Variants in FAM149A observed in about 807,000 individuals in gnomAD.
FAM149A encodes the protein family with sequence similarity 149 member A, also known as protein FAM149A.
Under a neutral mutation model 78.2 loss-of-function variants are expected in FAM149A, and 71 were observed. That is an observed-to-expected ratio of 0.91 (90% CI 0.75 to 1.11). FAM149A has a LOEUF of 1.11. FAM149A is among the 50% of genes least tolerant of loss of function. FAM149A has a pLI of 0.00. For synonymous variants in FAM149A, 446 were observed against 410.5 expected, an observed-to-expected ratio of 1.09 and a Z score of -1.04; for missense variants, 1,036 against 971.0, an observed-to-expected ratio of 1.07 and a Z score of -0.89.
chr4:186,154,360 G>C (rs1197902735), intron 5 of FAM149A, 108 bp from the exon 6 acceptor site: 1 of 882,090 alleles, frequency 1.1e-6, no homozygotes, highest in Non-Finnish European at 1.6e-6. Flanking sequence ...TTTTGGGAGG[G>C]GGGGATTCTG....
At chr4:186,145,055 C>G in intron 1 of FAM149A, 1 of 983,720 alleles carries the variant, frequency 1.0e-6, no homozygotes, top group Non-Finnish European at 1.2e-6. Flanking sequence ...GTGCCCGAGC[C>G]TAGCGCGGAG....
intron 1 of FAM149A, chr4:186,146,691 G>T (rs1010315247): frequency 5.1e-6 from 4 of 780,132 alleles, no homozygotes; most frequent in Non-Finnish European, 3.1e-6. Flanking sequence ...TCCGTTTGGC[G>T]GTGAAAACCA....
In FAM149A at chr4:186,136,936, A is replaced by ATCTCTCTCTCTCTCTCTCTCTT. The variant is rs2099323016; in HGVS notation, c.567-12216_567-12215insTTCTCTCTCTCTCTCTCTCTCT. 5.9e-4 allele frequency among the ~76,000 whole-genome samples: 52 copies of ATCTCTCTCTCTCTCTCTCTCTT among 88,150 alleles called. 1 individual carries two copies. Among genetic ancestry groups the ATCTCTCTCTCTCTCTCTCTCTT allele is most frequent in the Non-Finnish European group, 3.8e-4 (17 of 44,354 alleles). The allele number at this position is 88,150 out of a possible 152,430, so 57.8% of individuals were successfully genotyped here. ...TTGTGAAGCTCAAATACACTGATTG[A>ATCTCTCTCTCTCTCTCTCTCTT]TCTCTCTCTCTCTCTCTCTCTCTCT... On this transcript the variant is annotated intron_variant, in intron 1 of 13. Transcript: ENST00000389354.
chr4:186,149,481 G>A, intron 2 of FAM149A, 85 bp from the exon 3 acceptor site: 2 of 1,215,672 alleles, frequency 1.6e-6, no homozygotes, highest in Non-Finnish European at 2.1e-6. Context: ...AAAGAAAGAG[G>A]AAGCAGGCTC....
At chr4:186,125,096 C>T (rs1350031483) in intron 1 of FAM149A, 6 of 195,998 alleles carry the variant, frequency 3.1e-5, no homozygotes, top group Non-Finnish European at 5.6e-5. Context: ...CCTTTGCCCA[C>T]TTGTTGATGG....
chr4:186,122,560 T>C (rs1219670470), intron 1 of FAM149A, among the ~76,000 whole-genome samples: 1 of 152,192 alleles, frequency 6.6e-6, no homozygotes. Flanking sequence ...CGGAATAAAA[T>C]ATGTTTCTGG....
chr4:186,107,361 A>T (rs1291067577), intron 1 of FAM149A: 2 of 152,348 alleles, frequency 1.3e-5, no homozygotes, highest in East Asian at 3.9e-4. Flanking sequence ...TACATAAGAG[A>T]TTATTCTGAA....
At chr4:186,124,199 T>G (rs2099317270) in intron 1 of FAM149A, 1 of 985,002 alleles carries the variant, frequency 1.0e-6, no homozygotes, top group Non-Finnish European at 1.2e-6. Flanking sequence ...TCCTCCAGAG[T>G]GGAGGCAGAG....
At chr4:186,169,732 A>AC in intron 13 of FAM149A, 1 of 985,120 alleles carries the variant, frequency 1.0e-6, no homozygotes, top group Non-Finnish European at 1.2e-6. Flanking sequence ...GACTGCAGTG[A>AC]CCCCCACTGG....
chr4:186,165,589 C>T, intron 11 of FAM149A, 125 bp downstream of exon 11: 1 of 882,938 alleles, frequency 1.1e-6, no homozygotes. Context: ...TATTCAAATG[C>T]CTTCATAATC....
At chr4:186,147,939 T>A (rs1733185481) in intron 1 of FAM149A, among the ~76,000 whole-genome samples, 1 of 152,162 alleles carries the variant, frequency 6.6e-6, no homozygotes, top group African/African-American at 2.4e-5. Flanking sequence ...ATAAAAACAA[T>A]CATATAATTC....
intron 1 of FAM149A, among the ~76,000 whole-genome samples, chr4:186,120,778 A>C (rs1429808582): frequency 1.5e-5 from 2 of 134,256 alleles, no homozygotes; most frequent in Non-Finnish European, 3.2e-5. Flanking sequence ...TGGGCGACAG[A>C]GCAAGACTCC....
chr4:186,149,425 A>G, intron 2 of FAM149A, 141 bp from the exon 3 acceptor site: 1 of 1,107,292 alleles, frequency 9.0e-7, no homozygotes, highest in South Asian at 1.6e-5. Context: ...CACTGTAAAA[A>G]TATTTCAAAA....
chr4:186,126,873 G>T, intron 1 of FAM149A: 1 of 984,926 alleles, frequency 1.0e-6, no homozygotes, highest in Non-Finnish European at 1.2e-6. Flanking sequence ...CCCCAATACA[G>T]GGGGAGGAAG....
chr4:186,143,373 A>T (rs1003597369), intron 1 of FAM149A, among the ~76,000 whole-genome samples: 7 of 147,306 alleles, frequency 4.8e-5, no homozygotes, highest in African/African-American at 1.8e-4. Flanking sequence ...TGGGCTTAAG[A>T]TACCATAGTT....
At chr4:186,146,430 G>A in intron 1 of FAM149A, 1 of 984,586 alleles carries the variant, frequency 1.0e-6, no homozygotes, top group Non-Finnish European at 1.2e-6. Flanking sequence ...CAAGACAGTG[G>A]GAAGCCTGGT....
chr4:186,167,138 T>A, intron 12 of FAM149A, 42 bp downstream of exon 12: 1 of 1,602,164 alleles, frequency 6.2e-7, no homozygotes, highest in Non-Finnish European at 8.5e-7. Context: ...TGAAAAACAT[T>A]TGAAAAAAAT....
intron 1 of FAM149A, among the ~76,000 whole-genome samples, chr4:186,110,482 G>T (rs1434351725): frequency 2.7e-5 from 4 of 145,688 alleles, no homozygotes; most frequent in African/African-American, 1.0e-4. Flanking sequence ...CCATGCTGGT[G>T]CGCTGCACCC....
chr4:186,126,000 C>A (rs1381518674), intron 1 of FAM149A: 16 of 985,290 alleles, frequency 1.6e-5, no homozygotes, highest in Non-Finnish European at 1.7e-5. Context: ...CAAATTCTAA[C>A]CTCTAGAGCC....
Sources: gnomAD v4.1 joint callset for allele counts (sites outside exome capture counted in the v4.1 genomes callset) on GRCh38, gnomAD v4.1.1 for gene constraint, MANE v1.5 for transcripts, NCBI Gene and HGNC (gene_info 2026-07-23, HGNC 2026-07-21) for gene names.